LRRC7: variants seen among roughly 807,000 people sequenced by gnomAD.
LRRC7 encodes the protein leucine-rich repeat-containing protein 7.
A neutral mutation model predicts 175.7 loss-of-function variants in LRRC7; 23 were observed. The ratio of observed to expected loss-of-function variants is 0.13; its 90% CI spans 0.09 to 0.19. The LOEUF is 0.19. LRRC7 is among the 10% of genes least tolerant of loss of function. The pLI is 1.00. For missense variants in LRRC7, 1,354 were observed against 1,904.7 expected, an observed-to-expected ratio of 0.71 and a Z score of 5.38; for synonymous variants, 685 against 680.9, an observed-to-expected ratio of 1.01 and a Z score of -0.09.
At chr1:69,782,216 C>G (rs1014512487) in intron 3 of LRRC7, among the ~76,000 whole-genome samples, 3 of 152,188 alleles carry the variant, frequency 2.0e-5, no homozygotes, top group Admixed American at 2.0e-4. Context: ...TTATGCCACT[C>G]TCCTACATAG....
At chr1:69,907,524 G>A (rs1262255696) in intron 7 of LRRC7, among the ~76,000 whole-genome samples, 4 of 152,116 alleles carry the variant, frequency 2.6e-5, no homozygotes, top group African/African-American at 9.7e-5. Context: ...ATAATCACGT[G>A]GTTTTTGTCT....
At chr1:70,028,705 A>G (rs1198583615) in intron 18 of LRRC7, among the ~76,000 whole-genome samples, 1 of 152,152 alleles carries the variant, frequency 6.6e-6, no homozygotes, top group Non-Finnish European at 1.5e-5. Context: ...ATCATTAAGA[A>G]AGACTAATCC....
intron 7 of LRRC7, among the ~76,000 whole-genome samples, chr1:69,926,946 C>T (rs1361131273): frequency 2.6e-5 from 4 of 152,220 alleles, no homozygotes; most frequent in East Asian, 3.9e-4. Context: ...TGGCTGGTAC[C>T]GGTTGTTCCT....
At chr1:69,793,379 T>C (rs2101065626) in intron 4 of LRRC7, among the ~76,000 whole-genome samples, 1 of 152,172 alleles carries the variant, frequency 6.6e-6, no homozygotes, top group Non-Finnish European at 1.5e-5. Flanking sequence ...TGAAAGGCCA[T>C]CAGAAAAATA....
intron 1 of LRRC7, chr1:69,608,037 G>A (rs1322040459): frequency 6.5e-6 from 1 of 152,720 alleles, no homozygotes; most frequent in African/African-American, 2.4e-5. Flanking sequence ...GCAAATAGCT[G>A]ACGTGGGAGG....
intron 7 of LRRC7, among the ~76,000 whole-genome samples, chr1:69,856,568 A>T (rs1017365258): frequency 6.6e-6 from 1 of 152,200 alleles, no homozygotes; most frequent in Non-Finnish European, 1.5e-5. Flanking sequence ...ACCAGGAAGA[A>T]ATTGAATCCC....
chr1:69,799,622 CAT>C, intron 4 of LRRC7, among the ~76,000 whole-genome samples: 1 of 152,066 alleles, frequency 6.6e-6, no homozygotes, highest in East Asian at 1.9e-4. Flanking sequence ...TTGATGGACA[CAT>C]AGGTTGATTT....
intron 3 of LRRC7, among the ~76,000 whole-genome samples, chr1:69,789,781 C>A (rs1426952297): frequency 1.3e-5 from 2 of 151,972 alleles, no homozygotes; most frequent in African/African-American, 4.8e-5. Context: ...CAGGTTGATA[C>A]CAACATGGAT....
chr1:69,729,186 A>T (rs2100810524), intron 2 of LRRC7, among the ~76,000 whole-genome samples: 1 of 152,242 alleles, frequency 6.6e-6, no homozygotes, highest in Admixed American at 6.5e-5. Flanking sequence ...AAAATTCAAT[A>T]TGAGATTTGG....
At chr1:69,842,254 A>C (rs565349767) in intron 7 of LRRC7, among the ~76,000 whole-genome samples, 2 of 152,228 alleles carry the variant, frequency 1.3e-5, no homozygotes, top group South Asian at 4.1e-4. Context: ...AATGGTTGGT[A>C]ATAATGGTGG....
At chr1:69,657,425 A>T (rs1192813972) in intron 1 of LRRC7, among the ~76,000 whole-genome samples, 1 of 151,856 alleles carries the variant, frequency 6.6e-6, no homozygotes, top group Non-Finnish European at 1.5e-5. Context: ...GACATATAAA[A>T]TCATATATGG....
chr1:69,793,630 C>T (rs1675382374), intron 4 of LRRC7, among the ~76,000 whole-genome samples: 1 of 150,596 alleles, frequency 6.6e-6, no homozygotes, highest in Admixed American at 6.6e-5. Flanking sequence ...GCACATTTTA[C>T]TCTTTTTTTT....
At chr1:69,671,420 A>G (rs1659058219) in intron 1 of LRRC7, among the ~76,000 whole-genome samples, 1 of 152,130 alleles carries the variant, frequency 6.6e-6, no homozygotes, top group Non-Finnish European at 1.5e-5. Flanking sequence ...AGCAGGAGGA[A>G]GGAGTGAGTC....
chr1:69,896,047 A>G (rs1183552019), intron 7 of LRRC7, among the ~76,000 whole-genome samples: 22 of 152,212 alleles, frequency 1.4e-4, no homozygotes, highest in Non-Finnish European at 1.5e-5. Context: ...ATATTATTGT[A>G]TTAGAAATTA....
intron 22 of LRRC7, among the ~76,000 whole-genome samples, chr1:70,044,392 C>T (rs1240476016): frequency 6.6e-6 from 1 of 151,800 alleles, no homozygotes; most frequent in Non-Finnish European, 1.5e-5. Context: ...TCCTTTTTTC[C>T]TCCTTTGTTT....
At chr1:69,922,116 G>A (rs963036481) in intron 7 of LRRC7, among the ~76,000 whole-genome samples, 1 of 152,056 alleles carries the variant, frequency 6.6e-6, no homozygotes, top group Non-Finnish European at 1.5e-5. Context: ...AGAGAGACGG[G>A]GGTTTCACCA....
chr1:69,823,201 A>C (rs963596734), intron 4 of LRRC7, among the ~76,000 whole-genome samples: 2 of 152,114 alleles, frequency 1.3e-5, no homozygotes, highest in Non-Finnish European at 2.9e-5. Context: ...AAATTACTGA[A>C]ATATTCTTGA....
rs1646757219 is a variant in LRRC7 at position 69,917,522 on chromosome 1, T to C, written c.648-13985T>C. On this transcript the variant is annotated intron_variant, in intron 7 of 26. Transcript: ENST00000651989. ...GGTAAGATGCTTACTTTTCTGACAA[T>C]CAGTAAAGAGAGGAGACATTTGACA... 2.0e-5 allele frequency among the ~76,000 whole-genome samples: 3 copies of C among 151,772 alleles called. 1 individual carries two copies. In the South Asian group the frequency reaches 6.2e-4, roughly 32 times the overall value.
At chr1:69,610,966 T>C (rs956033864) in intron 1 of LRRC7, among the ~76,000 whole-genome samples, 10 of 151,978 alleles carry the variant, frequency 6.6e-5, no homozygotes, top group Non-Finnish European at 1.3e-4. Context: ...GATGACAAGA[T>C]ACAAACTAGA....
Sources: gnomAD v4.1 joint callset for allele counts (sites outside exome capture counted in the v4.1 genomes callset) on GRCh38, gnomAD v4.1.1 for gene constraint, MANE v1.5 for transcripts, NCBI Gene and HGNC (gene_info 2026-07-23, HGNC 2026-07-21) for gene names.